The following UVRAG variants were observed in gnomAD, a reference collection of about 807,000 sequenced individuals.
The protein encoded by UVRAG is UV radiation resistance-associated gene protein.
In UVRAG, 19 loss-of-function variants were observed where a neutral mutation model predicts 78.0. That is an observed-to-expected ratio of 0.24 (90% CI 0.17 to 0.36). The LOEUF (loss-of-function observed/expected upper bound fraction) is 0.36. Among genes scored for constraint, UVRAG ranks in the 10% least tolerant of loss-of-function variants. The probability of loss-of-function intolerance (pLI) is 1.00; values close to 1 mark genes in which losing one functional copy is unlikely to be tolerated. For synonymous variants in UVRAG, 323 were observed against 324.6 expected, an observed-to-expected ratio of 1.00 and a Z score of 0.05; for missense variants, 740 against 853.8, an observed-to-expected ratio of 0.87 and a Z score of 1.66.
intron 13 of UVRAG, among the ~76,000 whole-genome samples, chr11:76,102,504 T>C (rs1254232032): frequency 1.3e-5 from 2 of 152,164 alleles, no homozygotes; most frequent in Admixed American, 1.3e-4. Context: ...TAAAATCATG[T>C]CATCTGCAAA....
At chr11:75,919,918 A>G (rs1475697227) in intron 6 of UVRAG, among the ~76,000 whole-genome samples, 1 of 151,926 alleles carries the variant, frequency 6.6e-6, no homozygotes, top group Non-Finnish European at 1.5e-5. Flanking sequence ...GTAAAATAGA[A>G]AAGTGTAATT....
At chr11:76,016,659 G>A (rs1950150607) in intron 11 of UVRAG, among the ~76,000 whole-genome samples, 156 bp from the exon 12 acceptor site, 1 of 151,980 alleles carries the variant, frequency 6.6e-6, no homozygotes, top group Non-Finnish European at 1.5e-5. Context: ...TTGTTAATGT[G>A]TTTACATTTG....
At chr11:75,847,226 C>T (rs1946053991) in intron 1 of UVRAG, among the ~76,000 whole-genome samples, 1 of 151,716 alleles carries the variant, frequency 6.6e-6, no homozygotes, top group Non-Finnish European at 1.5e-5. Flanking sequence ...CTCCGGGGTT[C>T]AAGTGAGTCT....
In UVRAG at chr11:75,983,533, A is replaced by T; in HGVS notation, c.826+20A>T. 6.4e-7 allele frequency: 1 copy of T among 1,558,258 alleles called. No individual in the cohort carries two copies. Among genetic ancestry groups the T allele is most frequent in the South Asian group, 1.2e-5 (1 of 81,288 alleles). ...ACAAAGGTGAGTGGAAATACCATAC[A>T]AACAGCCTAACCTCCACATTCAGTA... On this transcript the variant is annotated intron_variant, in intron 8 of 14. Transcript: ENST00000356136.
chr11:75,996,217 T>A (rs1949703618), intron 8 of UVRAG, among the ~76,000 whole-genome samples: 1 of 147,878 alleles, frequency 6.8e-6, no homozygotes, highest in East Asian at 2.0e-4. Flanking sequence ...CTCCACTTAC[T>A]CTCAAAATGC....
chr11:76,116,802 T>C (rs1952190264), intron 14 of UVRAG, among the ~76,000 whole-genome samples: 1 of 152,202 alleles, frequency 6.6e-6, no homozygotes, highest in African/African-American at 2.4e-5. Flanking sequence ...TCATCTGCTG[T>C]GTGGATTTGA....
chr11:76,060,447 G>A (rs2134369896), intron 12 of UVRAG, among the ~76,000 whole-genome samples: 1 of 152,348 alleles, frequency 6.6e-6, no homozygotes, highest in South Asian at 2.1e-4. Flanking sequence ...CTTCTGCCTG[G>A]GCTCCCACTT....
chr11:75,973,614 T>C (rs1475575804), intron 7 of UVRAG, among the ~76,000 whole-genome samples: 3 of 152,212 alleles, frequency 2.0e-5, no homozygotes, highest in Non-Finnish European at 4.4e-5. Flanking sequence ...ATGTGCAGTT[T>C]TGTTACATAT....
At chr11:75,972,415 G>A (rs1284665520) in intron 7 of UVRAG, among the ~76,000 whole-genome samples, 1 of 152,252 alleles carries the variant, frequency 6.6e-6, no homozygotes, top group South Asian at 2.1e-4. Context: ...CCTGTATCTA[G>A]ATTGATTAGT....
intron 12 of UVRAG, among the ~76,000 whole-genome samples, chr11:76,036,035 A>G (rs756404449): frequency 2.0e-5 from 3 of 152,218 alleles, no homozygotes; most frequent in Non-Finnish European, 4.4e-5. Context: ...TCAAGTGTCA[A>G]TTTGTCATTA....
At chr11:75,868,167 A>G (rs555096835) in intron 3 of UVRAG, among the ~76,000 whole-genome samples, 1 of 152,338 alleles carries the variant, frequency 6.6e-6, no homozygotes, top group African/African-American at 2.4e-5. Flanking sequence ...CAGCAGTCAC[A>G]TGGGAGATGT....
chr11:76,007,404 T>C, intron 9 of UVRAG, 130 bp from the exon 10 acceptor site: 1 of 678,806 alleles, frequency 1.5e-6, no homozygotes, highest in East Asian at 2.8e-5. Flanking sequence ...TATTTATGCT[T>C]CTACTTCTGA....
At chr11:75,985,242 ATCC>A (rs1949476749) in intron 8 of UVRAG, among the ~76,000 whole-genome samples, 2 of 144,626 alleles carry the variant, frequency 1.4e-5, no homozygotes, top group South Asian at 4.4e-4. Context: ...ATGTTGTAAT[ATCC>A]TCTTGCAGTT....
At chr11:76,072,806 GT>G (rs1951339263) in intron 13 of UVRAG, among the ~76,000 whole-genome samples, 1 of 152,330 alleles carries the variant, frequency 6.6e-6, no homozygotes, top group Admixed American at 6.5e-5. Flanking sequence ...TCACATGAGT[GT>G]GCCAACTGTA....
chr11:75,833,736 A>G (rs1327317780), intron 1 of UVRAG, among the ~76,000 whole-genome samples: 1 of 152,236 alleles, frequency 6.6e-6, no homozygotes, highest in Non-Finnish European at 1.5e-5. Flanking sequence ...AACTAAAAGT[A>G]TTCCTTACGG....
intron 12 of UVRAG, among the ~76,000 whole-genome samples, chr11:76,025,188 C>T (rs1334302011): frequency 6.6e-6 from 1 of 152,202 alleles, no homozygotes; most frequent in African/African-American, 2.4e-5. Context: ...CTGTGAGGCT[C>T]AGACCACAAA....
intron 1 of UVRAG, among the ~76,000 whole-genome samples, chr11:75,816,251 G>A (rs1945261469): frequency 6.6e-6 from 1 of 152,166 alleles, no homozygotes; most frequent in Non-Finnish European, 1.5e-5. Flanking sequence ...TTGGCTCTGC[G>A]TTGTAGGAAG....
intron 5 of UVRAG, 35 bp downstream of exon 5, chr11:75,888,938 T>C (rs1267916332): frequency 1.9e-6 from 3 of 1,583,426 alleles, no homozygotes; most frequent in African/African-American, 1.3e-5. Context: ...GAATTTTGTT[T>C]AGTGCAGGTG....
At chr11:75,976,506 T>C (rs558162186) in intron 7 of UVRAG, among the ~76,000 whole-genome samples, 4 of 152,318 alleles carry the variant, frequency 2.6e-5, no homozygotes, top group African/African-American at 9.6e-5. Flanking sequence ...CTGGACTTTT[T>C]TTGGTTGGTA....
Sources: gnomAD v4.1 joint callset for allele counts (sites outside exome capture counted in the v4.1 genomes callset) on GRCh38, gnomAD v4.1.1 for gene constraint, MANE v1.5 for transcripts, NCBI Gene and HGNC (gene_info 2026-07-23, HGNC 2026-07-21) for gene names.